Variants in SRBD1 observed in about 807,000 individuals in gnomAD.
SRBD1 encodes S1 RNA-binding domain-containing protein 1.
SRBD1 carries 88 observed loss-of-function variants against 115.3 expected under a neutral mutation model. The observed-to-expected ratio is 0.76, with a 90% confidence interval of 0.64 to 0.91. SRBD1 has a LOEUF of 0.91. Among genes scored for constraint, SRBD1 ranks in the 40% least tolerant of loss-of-function variants. SRBD1 has a pLI of 0.00. For synonymous variants in SRBD1, 509 were observed against 407.7 expected (o/e 1.25, Z -2.99); for missense variants, 1,385 against 1,177.4 (o/e 1.18, Z -2.58).
Position 45,418,556 on chromosome 2 carries a change from T to A in SRBD1, c.2157-15A>T, listed in dbSNP as rs754427028. On this transcript the variant is annotated splice_polypyrimidine_tract_variant and intron_variant, in intron 17 of 20. Transcript: ENST00000263736. ...CTGCAATATGCCTAGAAAAAAAAAA[T>A]AAGCAAACTGAAAAAAAGATCTCAT... 1.9e-5 allele frequency: 30 copies of A among 1,568,422 alleles called. No homozygotes were observed. The African/African-American group carries it at 3.1e-4, about 16-fold the overall frequency.
intron 10 of SRBD1, among the ~76,000 whole-genome samples, chr2:45,555,353 C>A (rs1157860110): frequency 5.3e-5 from 8 of 152,162 alleles, no homozygotes; most frequent in Admixed American, 5.2e-4. Flanking sequence ...CACTGCACTA[C>A]AGCTAAGCAA....
At chr2:45,449,257 T>C (rs1269314472) in intron 16 of SRBD1, among the ~76,000 whole-genome samples, 1 of 152,198 alleles carries the variant, frequency 6.6e-6, no homozygotes, top group Non-Finnish European at 1.5e-5. Context: ...TTTGAGGACC[T>C]TGATACACAC....
chr2:45,532,063 CAA>C (rs1437104219), intron 14 of SRBD1, among the ~76,000 whole-genome samples: 1 of 147,584 alleles, frequency 6.8e-6, no homozygotes, highest in Non-Finnish European at 1.5e-5. Flanking sequence ...AAGAAAAACA[CAA>C]AAACAATCTT....
chr2:45,473,345 A>C (rs1558418735), intron 16 of SRBD1, among the ~76,000 whole-genome samples: 1 of 152,068 alleles, frequency 6.6e-6, no homozygotes, highest in Admixed American at 6.6e-5. Flanking sequence ...AACTGATCTG[A>C]TCTAGACTTA....
At chr2:45,515,901 C>T (rs548234997) in intron 14 of SRBD1, among the ~76,000 whole-genome samples, 1 of 152,270 alleles carries the variant, frequency 6.6e-6, no homozygotes, top group East Asian at 1.9e-4. Flanking sequence ...AATCACTGGG[C>T]ATGGTGGCTG....
chr2:45,510,982 T>C (rs183330101), intron 14 of SRBD1, among the ~76,000 whole-genome samples: 1 of 152,254 alleles, frequency 6.6e-6, no homozygotes, highest in East Asian at 1.9e-4. Flanking sequence ...CTGCCTAGGA[T>C]TATAGTTATA....
At chr2:45,542,610 A>G (rs750453370) in intron 14 of SRBD1, among the ~76,000 whole-genome samples, 19 of 152,248 alleles carry the variant, frequency 1.2e-4, no homozygotes, top group African/African-American at 4.3e-4. Context: ...GTAAGATGGT[A>G]CAACCATCTT....
intron 14 of SRBD1, among the ~76,000 whole-genome samples, chr2:45,530,009 C>T (rs1019221749): frequency 2.6e-5 from 4 of 151,936 alleles, no homozygotes; most frequent in Non-Finnish European, 4.4e-5. Flanking sequence ...ATGATGGCAG[C>T]AGCATGGTTT....
intron 20 of SRBD1, among the ~76,000 whole-genome samples, chr2:45,390,195 C>G (rs188033180): frequency 5.8e-4 from 89 of 152,274 alleles, no homozygotes; most frequent in African/African-American, 2.1e-3. Context: ...ATCTATGGCT[C>G]AGAATCCCAG....
At chr2:45,436,604 C>T (rs529100808) in intron 16 of SRBD1, among the ~76,000 whole-genome samples, 3 of 152,238 alleles carry the variant, frequency 2.0e-5, no homozygotes, top group East Asian at 3.9e-4. Context: ...TACATGGTGG[C>T]AGGTGAGAGA....
At chr2:45,392,730 A>G (rs1667037350) in intron 20 of SRBD1, among the ~76,000 whole-genome samples, 1 of 152,244 alleles carries the variant, frequency 6.6e-6, no homozygotes, top group Non-Finnish European at 1.5e-5. Context: ...TACACAGTGA[A>G]CAAGGGGTCC....
intron 14 of SRBD1, among the ~76,000 whole-genome samples, chr2:45,502,330 G>A (rs775446954): frequency 6.6e-6 from 1 of 152,092 alleles, no homozygotes; most frequent in African/African-American, 2.4e-5. Flanking sequence ...CCCATTACTG[G>A]GTAGATACCC....
At chr2:45,431,192 G>A (rs941422787) in intron 16 of SRBD1, among the ~76,000 whole-genome samples, 11 of 152,108 alleles carry the variant, frequency 7.2e-5, no homozygotes, top group African/African-American at 1.9e-4. Flanking sequence ...ACACTTTAAC[G>A]CTGTTGGTGG....
At chr2:45,515,915 C>G (rs1202723011) in intron 14 of SRBD1, among the ~76,000 whole-genome samples, 8 of 152,120 alleles carry the variant, frequency 5.3e-5, no homozygotes, top group African/African-American at 1.7e-4. Flanking sequence ...GTGGCTGATT[C>G]ACTCCATGAC....
At chr2:45,603,693 C>T (rs1674172520) in intron 2 of SRBD1, among the ~76,000 whole-genome samples, 1 of 151,982 alleles carries the variant, frequency 6.6e-6, no homozygotes, top group South Asian at 2.1e-4. Flanking sequence ...CCATGCCTGG[C>T]TAATTTTTGT....
Position 45,599,758 on chromosome 2 carries a change from T to G in SRBD1, c.339A>C (p.Thr113=). The stretch of plus-strand genomic sequence containing the variant: ...CTGCACATTTCTGTTTTGTCTTGGC[T>G]GTTTTCAGAGTCTGTACAGTATCCA... ...NKLDTVQTLK[T]AKTKQKCAAQ... is the part of the protein sequence containing the mutation. The change falls in exon 4 of 21, where the codon ACA becomes ACC. Residue 113 remains threonine (T), a synonymous_variant. Transcript: ENST00000263736. 1 of 1,614,240 alleles carries G rather than the reference T, an allele frequency of 6.2e-7. No homozygotes were observed. Among genetic ancestry groups the G allele is most frequent in the Non-Finnish European group, 8.5e-7 (1 of 1,180,050 alleles).
chr2:45,586,766 C>G (rs1185606242), intron 4 of SRBD1, among the ~76,000 whole-genome samples: 2 of 150,630 alleles, frequency 1.3e-5, no homozygotes, highest in Non-Finnish European at 3.0e-5. Context: ...AAGCTGGTCT[C>G]AAATACCTGG....
intron 5 of SRBD1, 125 bp from the exon 6 acceptor site, chr2:45,581,935 G>A: frequency 1.4e-6 from 1 of 713,068 alleles, no homozygotes. Context: ...TGAACTGTTT[G>A]AGAATAAGTT....
Position 45,486,526 on chromosome 2 carries a change from G to A in SRBD1, c.1966+1714C>T, listed in dbSNP as rs1480620883. On this transcript the variant is annotated intron_variant, in intron 15 of 20. Transcript: ENST00000263736. ...GTGGATCATGAGGTCAGGAGATCGAGACCATCCTGGTTAACATGGTGAAAC... is the reference window on the plus strand; with the variant it reads ...GTGGATCATGAGGTCAGGAGATCGAAACCATCCTGGTTAACATGGTGAAAC... Among the ~76,000 whole-genome samples the A allele has an allele frequency of 5.9e-5, 9 of 152,114 alleles. No homozygotes were observed. In the South Asian group the frequency reaches 1.2e-3, roughly 21 times the overall value.
Sources: allele counts gnomAD v4.1 joint callset (sites outside exome capture counted in the v4.1 genomes callset), GRCh38; gene constraint gnomAD v4.1.1; transcripts MANE v1.5; gene names NCBI Gene and HGNC (gene_info 2026-07-23, HGNC 2026-07-21).